Variants in CUL3 observed in about 807,000 individuals in gnomAD.
CUL3 encodes cullin-3.
Under a neutral mutation model 89.1 loss-of-function variants are expected in CUL3, and 19 were observed. The ratio of observed to expected loss-of-function variants is 0.21; its 90% confidence interval spans 0.15 to 0.31. The LOEUF (loss-of-function observed/expected upper bound fraction) is 0.31. Among genes scored for constraint, CUL3 ranks in the 10% least tolerant of loss-of-function variants. The pLI, the probability that CUL3 is intolerant of heterozygous loss-of-function variation, is 1.00. For synonymous variants in CUL3, 351 were observed against 308.4 expected, an observed-to-expected ratio of 1.14 and a Z score of -1.45; for missense variants, 469 against 942.3, an observed-to-expected ratio of 0.50 and a Z score of 6.58.
At chr2:224,565,696 G>C (rs1695026351) in intron 1 of CUL3, among the ~76,000 whole-genome samples, 3 of 152,084 alleles carry the variant, frequency 2.0e-5, no homozygotes. Context: ...TCTGTCACTG[G>C]TTCAGAAGCG....
chr2:224,547,561 T>C (rs1181871202), intron 2 of CUL3, among the ~76,000 whole-genome samples: 3 of 152,088 alleles, frequency 2.0e-5, no homozygotes, highest in Non-Finnish European at 4.4e-5. Flanking sequence ...GCTAAAATTA[T>C]GGGATTCTTG....
At chr2:224,503,979 C>T in intron 8 of CUL3, 157 bp from the exon 9 acceptor site, 1 of 559,376 alleles carries the variant, frequency 1.8e-6, no homozygotes, top group Non-Finnish European at 3.1e-6. Flanking sequence ...GTGTCTCCTA[C>T]TTCACACAGT....
At chr2:224,581,122 C>A (rs1695426768) in intron 1 of CUL3, among the ~76,000 whole-genome samples, 1 of 152,106 alleles carries the variant, frequency 6.6e-6, no homozygotes, top group Non-Finnish European at 1.5e-5. Context: ...ATTGGCCGGG[C>A]GTGGCGGCTC....
At chr2:224,475,224 A>C (rs1466850569) in intron 15 of CUL3, among the ~76,000 whole-genome samples, 1 of 152,062 alleles carries the variant, frequency 6.6e-6, no homozygotes, top group Non-Finnish European at 1.5e-5. Context: ...TCATCATGTT[A>C]GCCAGGATGG....
At chr2:224,574,836 AC>A (rs1331233654) in intron 1 of CUL3, among the ~76,000 whole-genome samples, 10 of 152,332 alleles carry the variant, frequency 6.6e-5, no homozygotes, top group African/African-American at 1.9e-4. Context: ...GAGGAAACAA[AC>A]TTAAAGAGTC....
chr2:224,516,509 G>A (rs901081565), intron 3 of CUL3, among the ~76,000 whole-genome samples: 13 of 151,834 alleles, frequency 8.6e-5, no homozygotes, highest in Middle Eastern at 3.2e-3. Context: ...TAGAGACAGG[G>A]TTTCACCATG....
At chr2:224,484,590 TA>T (rs778853637) in intron 13 of CUL3, among the ~76,000 whole-genome samples, 3 of 152,210 alleles carry the variant, frequency 2.0e-5, no homozygotes, top group Non-Finnish European at 2.9e-5. Context: ...TTAAATCTGT[TA>T]ATCTTTTCCT....
At chr2:224,577,978 C>T (rs933646654) in intron 1 of CUL3, among the ~76,000 whole-genome samples, 4 of 152,162 alleles carry the variant, frequency 2.6e-5, no homozygotes, top group African/African-American at 9.7e-5. Context: ...TTTAGCCTCT[C>T]AAAGCCTCAT....
intron 1 of CUL3, among the ~76,000 whole-genome samples, chr2:224,562,213 T>C (rs1230454114): frequency 6.6e-6 from 1 of 152,054 alleles, no homozygotes; most frequent in Non-Finnish European, 1.5e-5. Flanking sequence ...AGAGCTGTTT[T>C]ACTACACAAG....
intron 13 of CUL3, among the ~76,000 whole-genome samples, chr2:224,483,918 G>T (rs144950772): frequency 4.7e-4 from 72 of 152,224 alleles, no homozygotes; most frequent in African/African-American, 1.6e-3. Flanking sequence ...CGCCAAGCAC[G>T]GTTGCTCACG....
At chr2:224,496,262 C>T (rs1297288384) in intron 12 of CUL3, among the ~76,000 whole-genome samples, 1 of 152,118 alleles carries the variant, frequency 6.6e-6, no homozygotes, top group African/African-American at 2.4e-5. Context: ...AACTAATGGG[C>T]TCCAGTGATT....
In CUL3 at chr2:224,581,970, A is replaced by T. The variant is rs528196354; in HGVS notation, c.66+2974T>A. On this transcript the variant is annotated intron_variant, in intron 1 of 15. Transcript: ENST00000264414. ...ATGTACATATGTATAACCATAAACA[A>T]TTTTTTTTTTTGAGACAGAGTTTCG... Among the ~76,000 whole-genome samples, 639 of 145,330 alleles carry T rather than the reference A, an allele frequency of 4.4e-3. 2 individuals carry two copies. Among genetic ancestry groups the T allele is most frequent in the Middle Eastern group, 7.7e-3 (2 of 260 alleles).
chr2:224,540,614 T>C (rs1380589465), intron 2 of CUL3, among the ~76,000 whole-genome samples: 1 of 152,222 alleles, frequency 6.6e-6, no homozygotes, highest in African/African-American at 2.4e-5. Flanking sequence ...GCAGAACTTC[T>C]TCAACATGAG....
At chr2:224,524,677 C>T (rs553474109) in intron 3 of CUL3, among the ~76,000 whole-genome samples, 3 of 151,844 alleles carry the variant, frequency 2.0e-5, no homozygotes, top group African/African-American at 7.3e-5. Flanking sequence ...ACCTGCCTGC[C>T]GGAACAAAAT....
At chr2:224,494,866 A>G (rs1181573268) in intron 13 of CUL3, 1 of 152,192 alleles carries the variant, frequency 6.6e-6, no homozygotes, top group Non-Finnish European at 1.5e-5. Context: ...AGCACAAACT[A>G]CAAAAAGCAA....
intron 2 of CUL3, among the ~76,000 whole-genome samples, chr2:224,545,136 C>G (rs1694248866): frequency 6.6e-6 from 1 of 152,074 alleles, no homozygotes; most frequent in African/African-American, 2.4e-5. Flanking sequence ...CTCAAACAAG[C>G]TTCTACTAAG....
At chr2:224,535,690 G>A (rs754767129) in intron 2 of CUL3, 49 bp from the exon 3 acceptor site, 88 of 1,052,178 alleles carry the variant, frequency 8.4e-5, no homozygotes, top group Admixed American at 7.4e-4. Flanking sequence ...CCACACACTC[G>A]TATATACAGG....
At position 224,473,720 on chromosome 2, in the gene CUL3, T is replaced by C. The variant is rs1691213336; in HGVS notation, c.*525A>G. 1 of 184,182 alleles carries C rather than the reference T, an allele frequency of 5.4e-6. No individual in the cohort carries two copies. Among genetic ancestry groups the C allele is most frequent in the Non-Finnish European group, 1.2e-5 (1 of 86,580 alleles). 11.4% of individuals were successfully genotyped at this position (184,182 alleles called of 1,614,324 possible). On this transcript the variant is annotated 3_prime_UTR_variant, in exon 16 of 16. Coordinates refer to ENST00000264414, the MANE Select transcript of CUL3 (RefSeq NM_003590.5). ...TAGAATACAGCATGCTCAAATTGTA[T>C]GCTTGGGTCTTTGTATATTTATCAA... is the stretch of plus-strand genomic sequence containing the variant.
intron 2 of CUL3, among the ~76,000 whole-genome samples, chr2:224,553,878 T>G (rs1204000869): frequency 6.6e-6 from 1 of 152,206 alleles, no homozygotes; most frequent in Non-Finnish European, 1.5e-5. Context: ...TTACAGTAGC[T>G]TAAGATGAGG....
Sources: gnomAD v4.1 joint callset for allele counts (sites outside exome capture counted in the v4.1 genomes callset) on GRCh38, gnomAD v4.1.1 for gene constraint, MANE v1.5 for transcripts, NCBI Gene and HGNC (gene_info 2026-07-23, HGNC 2026-07-21) for gene names.